The following PCDHA7 variants were observed in gnomAD, a reference collection of about 807,000 sequenced individuals.
PCDHA7 encodes protocadherin alpha-7.
In PCDHA7, 37 loss-of-function variants were observed where a neutral mutation model predicts 57.2. The ratio of observed to expected loss-of-function variants is 0.65; its 90% CI spans 0.50 to 0.85. PCDHA7 has a LOEUF of 0.85. PCDHA7 is among the 40% of genes least tolerant of loss of function. The pLI is 0.00. For synonymous variants in PCDHA7, 553 were observed against 558.8 expected (o/e 0.99, Z 0.15); for missense variants, 1,188 against 1,241.8 (o/e 0.96, Z 0.65).
chr5:140,990,232 C>T (rs983376308), intron 3 of PCDHA7, among the ~76,000 whole-genome samples: 4 of 152,054 alleles, frequency 2.6e-5, no homozygotes, highest in Non-Finnish European at 4.4e-5. Flanking sequence ...TTGTAACTAG[C>T]GTTGTATTCC....
At chr5:140,966,845 C>A in intron 1 of PCDHA7, 1 of 1,570,444 alleles carries the variant, frequency 6.4e-7, no homozygotes, top group Non-Finnish European at 8.6e-7. Flanking sequence ...GCTGCTACTG[C>A]CTCTCCTGCT....
chr5:140,835,731 G>A lies in PCDHA7; in HGVS notation c.1348G>A (p.Asp450Asn). The change falls in exon 1 of 4, where the codon GAC becomes AAC. Residue 450 changes from aspartate (D) to asparagine (N), a missense_variant. This residue lies in a region of PCDHA7 where 892 missense variants were observed against 788.5 expected (regional missense o/e 1.13). Coordinates refer to ENST00000525929, the MANE Select transcript of PCDHA7 (RefSeq NM_018910.3). ...GTCCGTGGAGGTGGCCGACGTGAAC[G>A]ACAACGCCCCGGCGTTCGCGCAGCC... ...SVSVEVADVN[D>N]NAPAFAQPEY... The A allele has an allele frequency of 1.9e-6, 3 of 1,613,790 alleles. No homozygotes were observed. Among genetic ancestry groups the A allele is most frequent in the Non-Finnish European group, 2.5e-6 (3 of 1,179,862 alleles).
rs193096250 is a variant in PCDHA7 at position 140,998,611 on chromosome 5, C to A, written c.2504-11016C>A. Among the ~76,000 whole-genome samples, 28 of 151,482 alleles carry A rather than the reference C, an allele frequency of 1.8e-4. No individual in the cohort carries two copies. The East Asian group carries it at 5.2e-3, about 28-fold the overall frequency. ...CAGAGTTTTGCTCTTGTTGCCCAGG[C>A]TGGAGTGCAATGGCACAATCTCAGC... On this transcript the variant is annotated intron_variant, in intron 3 of 3. Transcript: ENST00000525929.
At chr5:140,995,510 G>A (rs1554254709) in intron 3 of PCDHA7, among the ~76,000 whole-genome samples, 1 of 152,142 alleles carries the variant, frequency 6.6e-6, no homozygotes, top group African/African-American at 2.4e-5. Flanking sequence ...GTGGGTAACT[G>A]AAGCCTCAGA....
At chr5:140,979,083 C>T (rs563728648) in intron 2 of PCDHA7, 76 bp downstream of exon 2, 207 of 1,562,578 alleles carry the variant, frequency 1.3e-4, no homozygotes, top group Admixed American at 6.5e-4. Context: ...TCTCCATAGG[C>T]CAGAAGCAGC....
chr5:140,858,339 A>G, intron 1 of PCDHA7: 1 of 1,595,618 alleles, frequency 6.3e-7, no homozygotes, highest in African/African-American at 1.3e-5. Context: ...GGCCTGCCCA[A>G]GGCGGACCTC....
At chr5:140,895,332 G>C (rs1021596445) in intron 1 of PCDHA7, among the ~76,000 whole-genome samples, 1 of 151,584 alleles carries the variant, frequency 6.6e-6, no homozygotes, top group South Asian at 2.1e-4. Context: ...TTCTCAAATT[G>C]TTTTACTATG....
chr5:140,929,736 T>A, intron 1 of PCDHA7: 1 of 201,874 alleles, frequency 5.0e-6, no homozygotes, highest in Non-Finnish European at 1.1e-5. Context: ...CTTAAACTAT[T>A]GCAATGCATT....
rs1413511622 is a variant in PCDHA7, at chr5:140,853,854, T to A, written c.2355+17116T>A. ...CGAAATTTTAGATCCATAGCCCTAT[T>A]TGATACTTGACAGTGCAAGTTTCTG... On this transcript the variant is annotated intron_variant, in intron 1 of 3. Coordinates refer to ENST00000525929, the MANE Select transcript of PCDHA7 (RefSeq NM_018910.3). The A allele has an allele frequency of 2.1e-5, 21 of 985,682 alleles. 4 individuals carry two copies. The highest frequency in any genetic ancestry group is 2.3e-5 in the Non-Finnish European group (19 of 817,834). The allele number at this position is 985,682 out of a possible 1,614,324, so 61.1% of individuals were successfully genotyped here. A position where few individuals can be genotyped will look rare whatever the true frequency, so the allele number is the denominator to read the frequency against.
chr5:140,919,649 T>G (rs1252944920), intron 1 of PCDHA7, among the ~76,000 whole-genome samples: 1 of 152,202 alleles, frequency 6.6e-6, no homozygotes, highest in Non-Finnish European at 1.5e-5. Flanking sequence ...TTCTCTAGAG[T>G]TTACCATATA....
At chr5:140,857,471 A>T (rs2044616338) in intron 1 of PCDHA7, 1 of 1,598,536 alleles carries the variant, frequency 6.3e-7, no homozygotes, top group Non-Finnish European at 8.6e-7. Context: ...CCACATCTTC[A>T]CGGTGTCTGC....
rs374506056 is a variant in PCDHA7, at chr5:140,858,272, G to T, written c.2355+21534G>T. 1.3e-4 allele frequency: 201 copies of T among 1,597,346 alleles called. 14 individuals carry two copies. In the African/African-American group the frequency reaches 2.1e-3, roughly 17 times the overall value. On this transcript the variant is annotated intron_variant, in intron 1 of 3. Transcript: ENST00000525929. The stretch of plus-strand genomic sequence containing the variant: ...GAAGCCCACGCTGGTGTGCTCTAGC[G>T]CGGTGGGGAGCTGGTCTTACTCGCA...
Position 140,871,175 on chromosome 5 carries a change from C to A in PCDHA7, c.2355+34437C>A, listed in dbSNP as rs782460096. On this transcript the variant is annotated intron_variant, in intron 1 of 3. Coordinates refer to ENST00000525929, the MANE Select transcript of PCDHA7 (RefSeq NM_018910.3). The stretch of plus-strand genomic sequence containing the variant: ...GCGGGCGCCGCGAGCCCAGAGGCTG[C>A]GCTGGTGGATGTCAACGTGTACCTG... 1.4e-5 allele frequency: 22 copies of A among 1,613,402 alleles called. No individual in the cohort carries two copies. The highest frequency in any genetic ancestry group is 2.2e-5 in the South Asian group (2 of 91,092).
intron 1 of PCDHA7, among the ~76,000 whole-genome samples, chr5:140,942,542 G>C (rs1023135030): frequency 6.6e-5 from 10 of 152,046 alleles, no homozygotes; most frequent in African/African-American, 2.4e-4. Flanking sequence ...AGTATGGTGG[G>C]GGGTAGGGGG....
rs191892568 is a variant in PCDHA7, at chr5:140,903,945, C to T, written c.2355+67207C>T. 2.6e-5 allele frequency among the ~76,000 whole-genome samples: 4 copies of T among 152,280 alleles called. No homozygotes were observed. In the East Asian group the frequency reaches 5.8e-4, roughly 22 times the overall value. ...TGCATTGGATAATACCTCTTAAATA[C>T]TGGAAAATTATTTGTTGATTTTTGG... On this transcript the variant is annotated intron_variant, in intron 1 of 3. Transcript: ENST00000525929.
At chr5:140,844,668 T>A (rs540390945) in intron 1 of PCDHA7, among the ~76,000 whole-genome samples, 1 of 149,604 alleles carries the variant, frequency 6.7e-6, no homozygotes, top group Non-Finnish European at 1.5e-5. Flanking sequence ...AAACATATAA[T>A]TTATAAATCC....
Position 140,857,393 on chromosome 5 carries a change from G to C in PCDHA7, c.2355+20655G>C, listed in dbSNP as rs146099067. On this transcript the variant is annotated intron_variant, in intron 1 of 3. Coordinates refer to ENST00000525929, the MANE Select transcript of PCDHA7 (RefSeq NM_018910.3). The stretch of plus-strand genomic sequence containing the variant: ...GTCTGTGGAGGTGGCCGACGTGAAC[G>C]ACAACGCGCCTGCGTTCGCGCAGTC... The C allele has an allele frequency of 3.2e-4, 519 of 1,598,492 alleles. 32 individuals carry two copies. In the African/African-American group the frequency reaches 5.9e-3, roughly 18 times the overall value.
At chr5:140,926,860 C>T in intron 1 of PCDHA7, 1 of 1,521,078 alleles carries the variant, frequency 6.6e-7, no homozygotes, top group Non-Finnish European at 8.8e-7. Flanking sequence ...GTTGGTGTAG[C>T]GTGTTGGTGG....
chr5:140,997,698 A>G (rs1587762890), intron 3 of PCDHA7, among the ~76,000 whole-genome samples: 4 of 145,560 alleles, frequency 2.7e-5, no homozygotes, highest in South Asian at 2.2e-4. Context: ...GTGTGTGTGT[A>G]TGTTAACAAA....
Sources: gnomAD v4.1 joint callset for allele counts (sites outside exome capture counted in the v4.1 genomes callset) on GRCh38, gnomAD v4.1.1 for gene constraint, gnomAD v4.1.1 regional missense constraint, MANE v1.5 for transcripts, NCBI Gene and HGNC (gene_info 2026-07-23, HGNC 2026-07-21) for gene names.